Variants in SNX19 observed in about 807,000 individuals in gnomAD.
SNX19 encodes sorting nexin 19.
A neutral mutation model predicts 85.2 loss-of-function variants in SNX19; 60 were observed. The ratio of observed to expected loss-of-function variants is 0.70; its 90% CI spans 0.57 to 0.87. SNX19 has a LOEUF of 0.87. SNX19 is among the 40% of genes least tolerant of loss of function. SNX19 has a pLI of 0.00. For missense variants in SNX19, 1,201 were observed against 1,217.8 expected (o/e 0.99, Z 0.21); for synonymous variants, 520 against 470.0 (o/e 1.11, Z -1.38).
chr11:130,905,566 T>G, intron 7 of SNX19: 2 of 1,005,706 alleles, frequency 2.0e-6, no homozygotes, highest in Non-Finnish European at 2.8e-6. Context: ...GCCAACAGAG[T>G]GGACTAAGAA....
chr11:130,914,510 G>A lies in SNX19; in HGVS notation c.1430C>T (p.Pro477Leu). Reference sequence around the variant, plus strand: ...CTTCTCTAAGCATGACGGCCGTGAGGGGCAGGTCTTTTCTGGCCCCTCCAG... The same window carrying A: ...CTTCTCTAAGCATGACGGCCGTGAGAGGCAGGTCTTTTCTGGCCCCTCCAG... ...ALLEGPEKTC[P>L]SRPSCLEKDL... is the part of the protein sequence containing the mutation. The change falls in exon 1 of 11, where the codon CCC becomes CTC. Residue 477 changes from proline (P) to leucine (L), a missense_variant. Around this residue, in one of 3 missense-constraint regions of SNX19, gnomAD observed 791 missense variants for 750.9 expected, o/e 1.05. Coordinates refer to ENST00000265909, the MANE Select transcript of SNX19 (RefSeq NM_014758.3). 6.2e-7 allele frequency: 1 copy of A among 1,613,968 alleles called. No individual in the cohort carries two copies. The highest frequency in any genetic ancestry group is 8.5e-7 in the Non-Finnish European group (1 of 1,179,868).
chr11:130,908,603 G>C (rs1945851905), intron 4 of SNX19, among the ~76,000 whole-genome samples: 1 of 152,138 alleles, frequency 6.6e-6, no homozygotes, highest in African/African-American at 2.4e-5. Flanking sequence ...AGTTTTTCTA[G>C]TCAATTCAAA....
intron 8 of SNX19, among the ~76,000 whole-genome samples, chr11:130,887,929 A>G (rs777535779): frequency 1.3e-5 from 2 of 152,158 alleles, no homozygotes; most frequent in African/African-American, 2.4e-5. Flanking sequence ...CAGCTCTGAG[A>G]TGTGACCTGA....
chr11:130,910,508 T>C (rs551823892), intron 2 of SNX19, 138 bp from the exon 3 acceptor site: 11 of 666,020 alleles, frequency 1.7e-5, no homozygotes, highest in Admixed American at 1.5e-4. Context: ...GACTTCCAAA[T>C]ATACATACGA....
At chr11:130,912,701 C>G (rs1946229353) in intron 1 of SNX19, among the ~76,000 whole-genome samples, 1 of 152,064 alleles carries the variant, frequency 6.6e-6, no homozygotes, top group African/African-American at 2.4e-5. Flanking sequence ...CTGATGTGAG[C>G]AAAGCAGTCC....
At position 130,871,525 on chromosome 11, in the gene SNX19, T is replaced by G. The variant is rs1461896043; in HGVS notation, c.*6897A>C. Among the ~76,000 whole-genome samples the G allele has an allele frequency of 2.6e-5, 4 of 152,210 alleles. No homozygotes were observed. In the East Asian group the frequency reaches 7.7e-4, roughly 29 times the overall value. On this transcript the variant is annotated 3_prime_UTR_variant, in exon 11 of 11. Transcript: ENST00000265909. ...AAGCAGTATTTCATATCAACGTTCA[T>G]GGTTAATCTTTTTGATAGTTACAGG...
intron 7 of SNX19, 30 bp downstream of exon 7, chr11:130,905,923 C>T (rs1452755068): frequency 1.2e-6 from 2 of 1,614,124 alleles, no homozygotes; most frequent in Admixed American, 1.7e-5. Context: ...TGGCTCCCTT[C>T]TCCATGGGAG....
chr11:130,889,395 C>T (rs1212145105), intron 8 of SNX19, among the ~76,000 whole-genome samples: 2 of 152,016 alleles, frequency 1.3e-5, no homozygotes, highest in African/African-American at 2.4e-5. Flanking sequence ...CCCCCGACCC[C>T]CCAGAAAAAG....
At chr11:130,905,007 A>G (rs1294303411) in intron 7 of SNX19, among the ~76,000 whole-genome samples, 3 of 152,196 alleles carry the variant, frequency 2.0e-5, no homozygotes, top group Admixed American at 6.5e-5. Context: ...TGATTTGTTC[A>G]TGGGCACCTC....
chr11:130,910,209 T>G (rs1364298129), intron 3 of SNX19, 61 bp downstream of exon 3: 35 of 1,612,934 alleles, frequency 2.2e-5, no homozygotes, highest in Non-Finnish European at 3.0e-5. Flanking sequence ...TTGGCTTGGG[T>G]GTTCTGGGGT....
At chr11:130,881,104 G>A (rs1943636533) in intron 8 of SNX19, 1 of 249,982 alleles carries the variant, frequency 4.0e-6, no homozygotes. Context: ...AGTTCTGCTG[G>A]TACCTTGATC....
chr11:130,894,477 C>T (rs970561262), intron 8 of SNX19, among the ~76,000 whole-genome samples: 4 of 152,184 alleles, frequency 2.6e-5, no homozygotes, highest in Admixed American at 1.3e-4. Flanking sequence ...GCCTCTAAAC[C>T]GTAGAGCAAG....
intron 8 of SNX19, among the ~76,000 whole-genome samples, chr11:130,886,283 T>G (rs1314369358): frequency 6.6e-6 from 1 of 152,168 alleles, no homozygotes; most frequent in Non-Finnish European, 1.5e-5. Flanking sequence ...TTCGTATGTA[T>G]GTACATATAT....
chr11:130,879,647 T>C lies in SNX19; in HGVS notation c.2823A>G (p.Ser941=). Reference sequence around the variant, plus strand: ...ACCTGTTGATGAGGGGTTGTTGTAGTGACTCCAGGACTAGACCCCAGCTCA... The same window carrying C: ...ACCTGTTGATGAGGGGTTGTTGTAGCGACTCCAGGACTAGACCCCAGCTCA... ...CRLSWGLVLE[S]LQQPLINRHL... is the part of the protein sequence containing the mutation. The change falls in exon 10 of 11, where the codon TCA becomes TCG. Residue 941 remains serine, a synonymous_variant. Transcript: ENST00000265909. 6.2e-7 allele frequency: 1 copy of C among 1,613,978 alleles called. No homozygotes were observed. Among genetic ancestry groups the C allele is most frequent in the Non-Finnish European group, 8.5e-7 (1 of 1,179,910 alleles).
At chr11:130,890,732 TC>T (rs1398021405) in intron 8 of SNX19, among the ~76,000 whole-genome samples, 1 of 152,162 alleles carries the variant, frequency 6.6e-6, no homozygotes, top group Non-Finnish European at 1.5e-5. Flanking sequence ...TCTGATGTCA[TC>T]TACTATAAGC....
At chr11:130,905,491 C>T (rs1359542486) in intron 7 of SNX19, among the ~76,000 whole-genome samples, 1 of 152,048 alleles carries the variant, frequency 6.6e-6, no homozygotes, top group Non-Finnish European at 1.5e-5. Flanking sequence ...CTGGAGTCAC[C>T]CTGGAAGAGT....
At chr11:130,912,421 A>C (rs569613975) in intron 1 of SNX19, among the ~76,000 whole-genome samples, 2 of 152,324 alleles carry the variant, frequency 1.3e-5, no homozygotes, top group South Asian at 4.1e-4. Context: ...TGTGGAAAAG[A>C]CGACTTATAT....
chr11:130,916,244 G>A lies in SNX19; in HGVS notation c.-305C>T. 2.6e-6 allele frequency: 1 copy of A among 384,716 alleles called. No individual in the cohort carries two copies. The highest frequency in any genetic ancestry group is 4.8e-6 in the Non-Finnish European group (1 of 209,012). The allele number at this position is 384,716 out of a possible 1,614,324, so 23.8% of individuals were successfully genotyped here. A position where few individuals can be genotyped will look rare whatever the true frequency, so the allele number is the denominator to read the frequency against. The stretch of plus-strand genomic sequence containing the variant: ...GAAGGCCTCTTCGGGGCCTCGGGGC[G>A]GGCGCTGCAAGGCCCTGGGGCCCAC... On this transcript the variant is annotated 5_prime_UTR_variant, in exon 1 of 11. Transcript: ENST00000265909.
At chr11:130,884,997 G>T (rs1943957211) in intron 8 of SNX19, among the ~76,000 whole-genome samples, 1 of 152,036 alleles carries the variant, frequency 6.6e-6, no homozygotes, top group South Asian at 2.1e-4. Flanking sequence ...AATAGCCTCA[G>T]ATAGCACTGG....
Sources: allele counts gnomAD v4.1 joint callset (sites outside exome capture counted in the v4.1 genomes callset), GRCh38; gene constraint gnomAD v4.1.1; regional missense constraint gnomAD v4.1.1; transcripts MANE v1.5; gene names NCBI Gene and HGNC (gene_info 2026-07-23, HGNC 2026-07-21).